Variants in ADAMTS19 observed in about 807,000 individuals in gnomAD.
The protein encoded by ADAMTS19 is ADAM metallopeptidase with thrombospondin type 1 motif 19.
In ADAMTS19, 93 loss-of-function variants were observed where a neutral mutation model predicts 153.3. The ratio of observed to expected loss-of-function variants is 0.61; its 90% CI spans 0.51 to 0.72. The LOEUF is 0.72. Ranked by LOEUF, ADAMTS19 falls within the 30% of genes least tolerant of loss-of-function variation. The pLI is 0.00. For missense variants in ADAMTS19, 1,482 were observed against 1,552.1 expected, an observed-to-expected ratio of 0.95 and a Z score of 0.76; for synonymous variants, 600 against 556.6, an observed-to-expected ratio of 1.08 and a Z score of -1.10.
At chr5:129,655,568 T>C (rs1243191777) in intron 14 of ADAMTS19, among the ~76,000 whole-genome samples, 1 of 152,208 alleles carries the variant, frequency 6.6e-6, no homozygotes, top group Non-Finnish European at 1.5e-5. Context: ...GTCATTGACT[T>C]TGTGCTATAT....
At chr5:129,470,270 A>G (rs866821064) in intron 2 of ADAMTS19, among the ~76,000 whole-genome samples, 2 of 152,368 alleles carry the variant, frequency 1.3e-5, no homozygotes, top group Middle Eastern at 6.8e-3. Flanking sequence ...TTCATGCACA[A>G]TTGAATGTTT....
In ADAMTS19 at chr5:129,620,618, C is replaced by T; in HGVS notation, c.1479C>T (p.Asn493=). Residue 493 remains asparagine, a splice_region_variant and synonymous_variant, in exon 9 of 23, where the codon AAC becomes AAT. Transcript: ENST00000274487. ...AFTIAHEMGH[N]MGINHDNDHP... is the part of the protein sequence containing the mutation. ...AAAATTTTATTATATTCCAAATCAG[C>T]ATGGGCATTAACCATGACAATGACC... 6.3e-7 allele frequency: 1 copy of T among 1,574,986 alleles called. No homozygotes were observed. The highest frequency in any genetic ancestry group is 1.2e-5 in the South Asian group (1 of 82,626).
At chr5:129,482,403 C>T (rs1750444671) in intron 2 of ADAMTS19, among the ~76,000 whole-genome samples, 1 of 152,098 alleles carries the variant, frequency 6.6e-6, no homozygotes, top group Non-Finnish European at 1.5e-5. Flanking sequence ...TACCACCTTC[C>T]TCTTTGGATT....
intron 6 of ADAMTS19, among the ~76,000 whole-genome samples, chr5:129,549,800 CTATATATACATATACA>C (rs1386916663): frequency 2.5e-4 from 36 of 146,930 alleles, no homozygotes; most frequent in African/African-American, 7.0e-4. Flanking sequence ...ATACATATAT[CTATATATACATATACA>C]TGTATCCGTA....
intron 16 of ADAMTS19, among the ~76,000 whole-genome samples, chr5:129,673,924 G>A (rs1754428213): frequency 6.6e-6 from 1 of 151,950 alleles, no homozygotes; most frequent in South Asian, 2.1e-4. Flanking sequence ...CCTTGTCCAT[G>A]GTATCCATTA....
chr5:129,546,495 C>G (rs1752866139), intron 6 of ADAMTS19, among the ~76,000 whole-genome samples: 1 of 149,782 alleles, frequency 6.7e-6, no homozygotes, highest in African/African-American at 2.5e-5. Context: ...AAAAAGTAAG[C>G]AGAAAGCAAA....
intron 10 of ADAMTS19, among the ~76,000 whole-genome samples, chr5:129,622,726 G>A (rs943040327): frequency 2.8e-4 from 42 of 152,138 alleles, no homozygotes; most frequent in African/African-American, 5.3e-4. Flanking sequence ...AAAACTCCCA[G>A]CTGCTAAAGT....
In ADAMTS19 at chr5:129,738,356, A is replaced by C. The variant is rs923830212; in HGVS notation, c.*1138A>C. On this transcript the variant is annotated 3_prime_UTR_variant, in exon 23 of 23. Coordinates refer to ENST00000274487, the MANE Select transcript of ADAMTS19 (RefSeq NM_133638.6). ...CCCACTGAGAGACAATTCTTCATAG[A>C]CTTGTCACATATCCACATGTCTGAT... 1.1e-4 allele frequency: 16 copies of C among 152,058 alleles called. No homozygotes were observed. Among genetic ancestry groups the C allele is most frequent in the Non-Finnish European group, 2.9e-5 (2 of 67,984 alleles). 9.4% of individuals were successfully genotyped at this position (152,058 alleles called of 1,614,324 possible).
intron 3 of ADAMTS19, among the ~76,000 whole-genome samples, chr5:129,512,883 T>C (rs1751485440): frequency 6.6e-6 from 1 of 152,042 alleles, no homozygotes; most frequent in Admixed American, 6.6e-5. Flanking sequence ...TACCCCTGAA[T>C]ACAGGCATTT....
At chr5:129,609,828 G>A (rs1353261349) in intron 8 of ADAMTS19, among the ~76,000 whole-genome samples, 3 of 152,060 alleles carry the variant, frequency 2.0e-5, no homozygotes, top group Non-Finnish European at 4.4e-5. Context: ...GATGTTTCTT[G>A]GCAAATGCAT....
At chr5:129,664,560 C>T (rs897309283) in intron 15 of ADAMTS19, among the ~76,000 whole-genome samples, 2 of 151,970 alleles carry the variant, frequency 1.3e-5, no homozygotes, top group African/African-American at 4.8e-5. Context: ...GTATATGCTA[C>T]CTTTTGGTAT....
chr5:129,685,819 C>A (rs1183283406), intron 18 of ADAMTS19, among the ~76,000 whole-genome samples: 1 of 152,012 alleles, frequency 6.6e-6, no homozygotes, highest in Non-Finnish European at 1.5e-5. Context: ...ACTAGGGATG[C>A]AAAGGAGAGA....
At chr5:129,524,722 C>A (rs993371308) in intron 3 of ADAMTS19, among the ~76,000 whole-genome samples, 1 of 151,302 alleles carries the variant, frequency 6.6e-6, no homozygotes, top group Non-Finnish European at 1.5e-5. Context: ...ATGTAACAAA[C>A]CTGCACGTTC....
At chr5:129,603,936 C>T (rs1303724606) in intron 8 of ADAMTS19, among the ~76,000 whole-genome samples, 2 of 152,196 alleles carry the variant, frequency 1.3e-5, no homozygotes, top group Non-Finnish European at 2.9e-5. Flanking sequence ...CAACCTACTT[C>T]TGGGCTGGCT....
chr5:129,606,568 G>C (rs758493512), intron 8 of ADAMTS19, among the ~76,000 whole-genome samples: 1 of 152,170 alleles, frequency 6.6e-6, no homozygotes, highest in Non-Finnish European at 1.5e-5. Context: ...TTAAGATTCA[G>C]CTTCCTGAAT....
At chr5:129,541,172 A>ATTT (rs201932816) in intron 6 of ADAMTS19, among the ~76,000 whole-genome samples, 1 of 144,298 alleles carries the variant, frequency 6.9e-6, no homozygotes, top group Non-Finnish European at 1.5e-5. Context: ...AAATAACTAG[A>ATTT]TTTTTTTTTT....
intron 6 of ADAMTS19, among the ~76,000 whole-genome samples, chr5:129,536,817 A>AC (rs1039956911): frequency 1.3e-5 from 2 of 151,678 alleles, no homozygotes; most frequent in African/African-American, 4.8e-5. Flanking sequence ...AAGGACAAAA[A>AC]CAAACACTGC....
At chr5:129,535,445 A>G (rs902138956) in intron 6 of ADAMTS19, among the ~76,000 whole-genome samples, 1 of 152,232 alleles carries the variant, frequency 6.6e-6, no homozygotes, top group African/African-American at 2.4e-5. Flanking sequence ...TTCCATGCTT[A>G]TGGGTAGGAA....
chr5:129,533,092 G>A (rs991656998), intron 6 of ADAMTS19, among the ~76,000 whole-genome samples: 2 of 151,660 alleles, frequency 1.3e-5, no homozygotes, highest in African/African-American at 4.8e-5. Flanking sequence ...AACAGAGTGA[G>A]ACTCCACCAC....
Sources: allele counts gnomAD v4.1 joint callset (sites outside exome capture counted in the v4.1 genomes callset), GRCh38; gene constraint gnomAD v4.1.1; transcripts MANE v1.5; gene names NCBI Gene and HGNC (gene_info 2026-07-23, HGNC 2026-07-21).